Variants in SLC44A5 observed in about 807,000 individuals in gnomAD.
The protein encoded by SLC44A5 is solute carrier family 44 member 5.
Under a neutral mutation model 101.8 loss-of-function variants are expected in SLC44A5, and 57 were observed. The observed-to-expected ratio is 0.56, with a 90% confidence interval of 0.45 to 0.70. SLC44A5 has a LOEUF of 0.70. Among genes scored for constraint, SLC44A5 ranks in the 30% least tolerant of loss-of-function variants. SLC44A5 has a pLI of 0.00. For synonymous variants in SLC44A5, 281 were observed against 290.9 expected (o/e 0.97, Z 0.35); for missense variants, 737 against 853.1 (o/e 0.86, Z 1.70).
At chr1:75,571,080 C>T (rs933954391) in intron 1 of SLC44A5, among the ~76,000 whole-genome samples, 2 of 152,164 alleles carry the variant, frequency 1.3e-5, no homozygotes, top group Admixed American at 6.5e-5. Flanking sequence ...AAAATGGCTC[C>T]ACCACAAGCG....
intron 1 of SLC44A5, among the ~76,000 whole-genome samples, chr1:75,589,738 C>T (rs1279386486): frequency 1.3e-5 from 2 of 152,158 alleles, no homozygotes; most frequent in African/African-American, 4.8e-5. Context: ...GTAGTGAGAG[C>T]ATCTCTGTGT....
At chr1:75,533,709 C>A (rs537181537) in intron 2 of SLC44A5, among the ~76,000 whole-genome samples, 1 of 152,254 alleles carries the variant, frequency 6.6e-6, no homozygotes, top group Non-Finnish European at 1.5e-5. Context: ...AACTCTTTGT[C>A]TTCCTTTACC....
chr1:75,254,342 C>A (rs568152771), intron 6 of SLC44A5, among the ~76,000 whole-genome samples: 57 of 152,086 alleles, frequency 3.7e-4, no homozygotes, highest in Non-Finnish European at 5.9e-5. Flanking sequence ...CCCGGCCAGA[C>A]CTCAGATTTT....
chr1:75,614,534 G>C (rs1675784020), upstream of SLC44A5, among the ~76,000 whole-genome samples: 1 of 152,206 alleles, frequency 6.6e-6, no homozygotes, highest in Non-Finnish European at 1.5e-5. Flanking sequence ...CCAAGATAAA[G>C]TTGTGTCCCC....
rs184551702 is a variant in SLC44A5 at position 75,479,266 on chromosome 1, A to C, written c.13+62169T>G. 2.1e-3 allele frequency among the ~76,000 whole-genome samples: 319 copies of C among 152,368 alleles called. 2 individuals carry two copies. The highest frequency in any genetic ancestry group is 4.1e-3 in the Admixed American group (62 of 15,294). Reference sequence around the variant, plus strand: ...TATTCAAAGCAGTGTGTAGCGGGAAACTTATAGCACTAAATGCCCACAAGA... The same window carrying C: ...TATTCAAAGCAGTGTGTAGCGGGAACCTTATAGCACTAAATGCCCACAAGA... On this transcript the variant is annotated intron_variant, in intron 2 of 23. Coordinates refer to ENST00000370859, the MANE Select transcript of SLC44A5 (RefSeq NM_001130058.2).
At chr1:75,238,453 T>C (rs1462335444) in intron 10 of SLC44A5, 60 bp downstream of exon 10, 4 of 1,399,638 alleles carry the variant, frequency 2.9e-6, no homozygotes, top group African/African-American at 1.5e-5. Flanking sequence ...ATAGGCGCTT[T>C]AGTCTCGAGT....
chr1:75,534,400 C>T (rs1040274284), intron 2 of SLC44A5, among the ~76,000 whole-genome samples: 1 of 152,182 alleles, frequency 6.6e-6, no homozygotes, highest in South Asian at 2.1e-4. Flanking sequence ...CCCTCCTACT[C>T]CATTTCTGAA....
chr1:75,606,886 C>T (rs1442301414), intron 1 of SLC44A5, among the ~76,000 whole-genome samples: 1 of 151,936 alleles, frequency 6.6e-6, no homozygotes, highest in Non-Finnish European at 1.5e-5. Context: ...TTCTCAATCT[C>T]CTTTACTGAC....
At chr1:75,697,627 A>G in the SLC44A5 span, among the ~76,000 whole-genome samples, 5 of 152,298 alleles carry the variant, frequency 3.3e-5, no homozygotes, top group African/African-American at 1.2e-4. Flanking sequence ...TCTACAAAAA[A>G]TACAAAAATT....
chr1:75,580,778 C>T (rs948579036), intron 1 of SLC44A5, among the ~76,000 whole-genome samples: 1 of 148,004 alleles, frequency 6.8e-6, no homozygotes. Flanking sequence ...GCAGAGGTCG[C>T]AGTGAGCTGA....
At chr1:75,571,559 A>T (rs375321828) in intron 1 of SLC44A5, among the ~76,000 whole-genome samples, 19 of 152,190 alleles carry the variant, frequency 1.2e-4, no homozygotes, top group Admixed American at 4.6e-4. Context: ...AGTATTCAAA[A>T]AAAAACATGA....
At chr1:75,465,465 T>C (rs988764291) in intron 2 of SLC44A5, among the ~76,000 whole-genome samples, 3 of 151,686 alleles carry the variant, frequency 2.0e-5, no homozygotes, top group African/African-American at 7.3e-5. Context: ...TAACAATGCA[T>C]CTTAAAGAAC....
the SLC44A5 span, among the ~76,000 whole-genome samples, chr1:75,704,699 G>A: frequency 6.6e-6 from 1 of 152,148 alleles, no homozygotes; most frequent in Non-Finnish European, 1.5e-5. Context: ...TACCTTGCAT[G>A]TGGTAAGAGA....
chr1:75,694,242 T>C, the SLC44A5 span, among the ~76,000 whole-genome samples: 2 of 151,984 alleles, frequency 1.3e-5, no homozygotes, highest in Non-Finnish European at 2.9e-5. Flanking sequence ...AAATGGACTG[T>C]TATCTACAAA....
chr1:75,708,022 T>C, the SLC44A5 span, among the ~76,000 whole-genome samples: 2 of 152,190 alleles, frequency 1.3e-5, no homozygotes, highest in African/African-American at 4.8e-5. Context: ...TACTACTAAA[T>C]GTATTATTGC....
At chr1:75,716,529 A>AG in the SLC44A5 span, among the ~76,000 whole-genome samples, 1 of 152,228 alleles carries the variant, frequency 6.6e-6, no homozygotes, top group Non-Finnish European at 1.5e-5. Flanking sequence ...GGCAATGTAA[A>AG]TTAGTTCAGC....
At chr1:75,371,538 A>G (rs940501556) in intron 3 of SLC44A5, among the ~76,000 whole-genome samples, 1 of 152,222 alleles carries the variant, frequency 6.6e-6, no homozygotes, top group Non-Finnish European at 1.5e-5. Context: ...GATTATCAAG[A>G]AAATTAAGAA....
chr1:75,335,211 A>C (rs1040113046), intron 4 of SLC44A5, among the ~76,000 whole-genome samples: 1 of 152,190 alleles, frequency 6.6e-6, no homozygotes, highest in Non-Finnish European at 1.5e-5. Context: ...CAAACCAGTT[A>C]TGTACATTTC....
chr1:75,219,778 G>T, intron 15 of SLC44A5, 22 bp downstream of exon 15: 2 of 1,534,488 alleles, frequency 1.3e-6, no homozygotes, highest in Non-Finnish European at 1.8e-6. Context: ...GAGGTTTAAA[G>T]AGGCCAATTA....
Sources: gnomAD v4.1 joint callset for allele counts (sites outside exome capture counted in the v4.1 genomes callset) on GRCh38, gnomAD v4.1.1 for gene constraint, MANE v1.5 for transcripts, NCBI Gene and HGNC (gene_info 2026-07-23, HGNC 2026-07-21) for gene names.